Variants in WAC observed in about 807,000 individuals in gnomAD.
The protein encoded by WAC is WW domain containing adaptor with coiled-coil.
Under a neutral mutation model 79.6 loss-of-function variants are expected in WAC, and 11 were observed. That is an observed-to-expected ratio of 0.14 (90% CI 0.09 to 0.23). The LOEUF is 0.23. WAC is among the 10% of genes least tolerant of loss of function. WAC has a pLI of 1.00. For missense variants in WAC, 728 were observed against 773.5 expected, an observed-to-expected ratio of 0.94 and a Z score of 0.70; for synonymous variants, 304 against 276.9, an observed-to-expected ratio of 1.10 and a Z score of -0.97.
At chr10:28,587,743 A>T (rs1338314883) in intron 4 of WAC, among the ~76,000 whole-genome samples, 6 of 152,180 alleles carry the variant, frequency 3.9e-5, no homozygotes. Flanking sequence ...AGTTATTGGT[A>T]TGTGATTGTA....
At chr10:28,598,110 C>G (rs879853986) in intron 7 of WAC, among the ~76,000 whole-genome samples, 3 of 152,186 alleles carry the variant, frequency 2.0e-5, no homozygotes, top group Admixed American at 6.5e-5. Flanking sequence ...CTTACCCAGT[C>G]TATCCGCTTA....
chr10:28,619,699 G>T lies in WAC; in HGVS notation c.*93G>T. ...TTGAGCTGCATTTAAGTAGACTTTG[G>T]ACCGTTAAGCTGGGCAAAGGAAATG... On this transcript the variant is annotated 3_prime_UTR_variant, in exon 14 of 14. Transcript: ENST00000354911. 1.8e-6 allele frequency: 2 copies of T among 1,085,388 alleles called. No homozygotes were observed. Among genetic ancestry groups the T allele is most frequent in the South Asian group, 3.5e-5 (2 of 56,842 alleles). 67.2% of individuals were successfully genotyped at this position (1,085,388 alleles called of 1,614,324 possible).
intron 3 of WAC, among the ~76,000 whole-genome samples, chr10:28,557,311 A>G (rs1673878058): frequency 6.6e-6 from 1 of 152,182 alleles, no homozygotes; most frequent in African/African-American, 2.4e-5. Context: ...ATGTGATAAT[A>G]TTATAAAACT....
Position 28,621,581 on chromosome 10 carries a change from T to C in WAC, c.*1975T>C, listed in dbSNP as rs1841694582. The C allele has an allele frequency of 6.6e-6, 1 of 152,208 alleles. No homozygotes were observed. The highest frequency in any genetic ancestry group is 1.5e-5 in the Non-Finnish European group (1 of 68,022). The allele number at this position is 152,208 out of a possible 1,614,324, so 9.4% of individuals were successfully genotyped here. A position where few individuals can be genotyped will look rare whatever the true frequency, so the allele number is the denominator to read the frequency against. On this transcript the variant is annotated 3_prime_UTR_variant, in exon 14 of 14. Transcript: ENST00000354911. ...ATTTATTGTCATGTTTATACCTCTG[T>C]GAGATTGTTAACATCTGCTGAATTT... is the stretch of plus-strand genomic sequence containing the variant.
intron 3 of WAC, among the ~76,000 whole-genome samples, chr10:28,560,368 G>A (rs902687750): frequency 6.6e-6 from 1 of 152,088 alleles, no homozygotes; most frequent in Non-Finnish European, 1.5e-5. Flanking sequence ...CGGGAGTTAG[G>A]AGTGTGTGTG....
At chr10:28,598,185 G>GT (rs1468611495) in intron 7 of WAC, among the ~76,000 whole-genome samples, 1 of 152,174 alleles carries the variant, frequency 6.6e-6, no homozygotes, top group East Asian at 1.9e-4. Context: ...ACTTCTAGTG[G>GT]TTTTTTAAAC....
At chr10:28,557,911 A>G (rs1838083471) in intron 3 of WAC, among the ~76,000 whole-genome samples, 1 of 151,942 alleles carries the variant, frequency 6.6e-6, no homozygotes, top group Non-Finnish European at 1.5e-5. Flanking sequence ...CGTCTCTACT[A>G]AAAATACAAA....
chr10:28,550,999 C>A (rs534881371), intron 3 of WAC, among the ~76,000 whole-genome samples: 1 of 152,028 alleles, frequency 6.6e-6, no homozygotes, highest in Non-Finnish European at 1.5e-5. Context: ...TTTTATTGTT[C>A]CTTTTCCAAA....
Position 28,619,893 on chromosome 10 carries a change from A to G in WAC, c.*287A>G. ...TAACAGAGCTTAGACATCCAAAACT[A>G]ATCAATGCTGAGGTGGCTAAATACC... On this transcript the variant is annotated 3_prime_UTR_variant, in exon 14 of 14. Transcript: ENST00000354911. 1 of 242,552 alleles carries G rather than the reference A, an allele frequency of 4.1e-6. No homozygotes were observed. Among genetic ancestry groups the G allele is most frequent in the Middle Eastern group, 1.3e-3 (1 of 786 alleles). 15.0% of individuals were successfully genotyped at this position (242,552 alleles called of 1,614,324 possible).
intron 3 of WAC, among the ~76,000 whole-genome samples, chr10:28,572,303 C>T (rs1839015446): frequency 6.8e-6 from 1 of 147,974 alleles, no homozygotes; most frequent in Non-Finnish European, 1.5e-5. Context: ...CACCACTGCA[C>T]TCCAGCCTGG....
intron 10 of WAC, among the ~76,000 whole-genome samples, chr10:28,613,862 T>A (rs1660013539): frequency 6.6e-6 from 1 of 152,220 alleles, no homozygotes; most frequent in South Asian, 2.1e-4. Context: ...TTGGCAATCA[T>A]GGACTTCAGT....
chr10:28,561,003 G>A (rs4747623), intron 3 of WAC, among the ~76,000 whole-genome samples: 34,406 of 151,996 alleles, frequency 0.23, 4,706 homozygotes, highest in Non-Finnish European at 0.28. Flanking sequence ...TCTACTGAAT[G>A]CCAGATGAAG....
At chr10:28,549,047 T>C (rs535239125) in intron 3 of WAC, among the ~76,000 whole-genome samples, 20 of 152,168 alleles carry the variant, frequency 1.3e-4, no homozygotes, top group Non-Finnish European at 2.4e-4. Context: ...TGCAGGCATA[T>C]GCTGCCACTT....
intron 6 of WAC, among the ~76,000 whole-genome samples, chr10:28,593,629 G>A (rs1393701126): frequency 6.6e-6 from 1 of 151,606 alleles, no homozygotes; most frequent in Non-Finnish European, 1.5e-5. Flanking sequence ...TAAGCTGGGC[G>A]TGGTGGTGCG....
chr10:28,539,563 T>G (rs1447487244), intron 3 of WAC, among the ~76,000 whole-genome samples: 2 of 73,184 alleles, frequency 2.7e-5, no homozygotes, highest in East Asian at 1.1e-3. Context: ...CGTTAGGGTT[T>G]GTTTTTTGGT....
chr10:28,589,388 CGA>C (rs1221474313), intron 4 of WAC: 1 of 169,860 alleles, frequency 5.9e-6, no homozygotes, highest in Non-Finnish European at 1.3e-5. Flanking sequence ...ATCATCTAGT[CGA>C]GAGTGCATTC....
rs574031136 is a variant in WAC at position 28,578,406 on chromosome 10, A to C, written c.275-4993A>C. 3.5e-4 allele frequency among the ~76,000 whole-genome samples: 54 copies of C among 152,288 alleles called. No homozygotes were observed. In the East Asian group the frequency reaches 6.8e-3, roughly 19 times the overall value. ...AGAGAATAAAGACACTAAGACTTCT[A>C]AGTCTGTGGATCTGGTAATAAATTC... On this transcript the variant is annotated intron_variant, in intron 3 of 13. Coordinates refer to ENST00000354911, the MANE Select transcript of WAC (RefSeq NM_016628.5).
At chr10:28,546,258 C>A (rs1837342750) in intron 3 of WAC, among the ~76,000 whole-genome samples, 1 of 152,176 alleles carries the variant, frequency 6.6e-6, no homozygotes, top group Non-Finnish European at 1.5e-5. Flanking sequence ...AATTATGTTA[C>A]ATTGGAGTAC....
chr10:28,555,141 T>C (rs536513618), intron 3 of WAC, among the ~76,000 whole-genome samples: 1 of 152,238 alleles, frequency 6.6e-6, no homozygotes, highest in East Asian at 1.9e-4. Flanking sequence ...CCTTAACCGG[T>C]CTTTCTGCTT....
Sources: allele counts gnomAD v4.1 joint callset (sites outside exome capture counted in the v4.1 genomes callset), GRCh38; gene constraint gnomAD v4.1.1; transcripts MANE v1.5; gene names NCBI Gene and HGNC (gene_info 2026-07-23, HGNC 2026-07-21).